The following MRTFA variants were observed in gnomAD, a reference collection of about 807,000 sequenced individuals.
MRTFA encodes myocardin-related transcription factor A.
In MRTFA, 20 loss-of-function variants were observed where a neutral mutation model predicts 83.5. The observed-to-expected ratio is 0.24, with a 90% CI of 0.17 to 0.35. The LOEUF is 0.35. Among genes scored for constraint, MRTFA ranks in the 10% least tolerant of loss-of-function variants. MRTFA has a pLI of 1.00. For synonymous variants in MRTFA, 659 were observed against 541.2 expected, an observed-to-expected ratio of 1.22 and a Z score of -3.02; for missense variants, 1,200 against 1,224.7, an observed-to-expected ratio of 0.98 and a Z score of 0.30.
At chr22:40,493,959 G>C (rs2054310104) in intron 3 of MRTFA, among the ~76,000 whole-genome samples, 1 of 152,190 alleles carries the variant, frequency 6.6e-6, no homozygotes, top group African/African-American at 2.4e-5. Context: ...TGTGAATTTA[G>C]AGTTGCCTAG....
At chr22:40,418,205 G>A (rs545534698) in intron 12 of MRTFA, among the ~76,000 whole-genome samples, 169 bp downstream of exon 12, 5 of 152,318 alleles carry the variant, frequency 3.3e-5, no homozygotes, top group South Asian at 4.1e-4. Flanking sequence ...GGGGTCTGAG[G>A]CAGGTCCCTT....
chr22:40,608,730 G>A (rs1464713464), intron 1 of MRTFA, among the ~76,000 whole-genome samples: 3 of 152,070 alleles, frequency 2.0e-5, no homozygotes, highest in Non-Finnish European at 2.9e-5. Context: ...CTGAGCCCTA[G>A]GGATACTAGT....
At chr22:40,519,017 GT>G (rs112569374) in intron 3 of MRTFA, among the ~76,000 whole-genome samples, 351 of 141,570 alleles carry the variant, frequency 2.5e-3, no homozygotes, top group African/African-American at 6.5e-3. Context: ...TGTTTTTGGG[GT>G]TTTTTTTTTT....
rs528816532 is a variant in MRTFA at position 40,416,539 on chromosome 22, G to C, written c.2578+447C>G. Among the ~76,000 whole-genome samples the C allele has an allele frequency of 3.3e-5, 5 of 152,318 alleles. No individual in the cohort carries two copies. The highest frequency in any genetic ancestry group is 7.3e-5 in the Non-Finnish European group (5 of 68,034). ...TCCTCAACTCCACTCCAACCCGCCA[G>C]GTACTCCCGAGGCCGCACAGATGCA... On this transcript the variant is annotated intron_variant, in intron 14 of 14. Transcript: ENST00000355630. The surrounding 1 kb of genome is among the most constrained non-coding windows in gnomAD (Gnocchi z 4.2).
rs925027412 is a variant in MRTFA, at chr22:40,617,664, T to C, written c.-84+18814A>G. ...ATGGCATGAACCCGGGAGGCGGAGC[T>C]TGCAGTGAGCCGAGATCTCACCACT... On this transcript the variant is annotated intron_variant, in intron 1 of 14. Coordinates refer to ENST00000355630, the MANE Select transcript of MRTFA (RefSeq NM_020831.6). 1.2e-3 allele frequency among the ~76,000 whole-genome samples: 183 copies of C among 148,708 alleles called. 3 individuals are homozygous for C. Among genetic ancestry groups the C allele is most frequent in the Admixed American group, 9.4e-4 (14 of 14,878 alleles).
chr22:40,425,851 A>G (rs1465282179), intron 7 of MRTFA, among the ~76,000 whole-genome samples: 2 of 152,086 alleles, frequency 1.3e-5, no homozygotes, highest in Non-Finnish European at 2.9e-5. Flanking sequence ...TACTGTGGAA[A>G]ACCCAGGGCT....
Position 40,411,077 on chromosome 22 carries a change from T to C in MRTFA, c.*313A>G, listed in dbSNP as rs1324158449. On this transcript the variant is annotated 3_prime_UTR_variant, in exon 15 of 15. Coordinates refer to ENST00000355630, the MANE Select transcript of MRTFA (RefSeq NM_020831.6). ...CCAGGCTTCACCTACCTTAGCCAAA[T>C]TGTAGCCAGACAGACAGTGCCCCCT... The C allele has an allele frequency of 3.5e-6, 1 of 288,924 alleles. No homozygotes were observed. Among genetic ancestry groups the C allele is most frequent in the Non-Finnish European group, 6.4e-6 (1 of 155,434 alleles). The allele number at this position is 288,924 out of a possible 1,614,324, so 17.9% of individuals were successfully genotyped here.
At chr22:40,609,723 C>T (rs2056363203) in intron 1 of MRTFA, among the ~76,000 whole-genome samples, 1 of 151,742 alleles carries the variant, frequency 6.6e-6, no homozygotes, top group African/African-American at 2.4e-5. Flanking sequence ...TCCAGCTACT[C>T]GGGAGGCTGA....
At chr22:40,559,453 T>C (rs889022193) in intron 2 of MRTFA, among the ~76,000 whole-genome samples, 1 of 152,158 alleles carries the variant, frequency 6.6e-6, no homozygotes, top group Non-Finnish European at 1.5e-5. Context: ...AGCATGTTAC[T>C]CTGCCATCCA....
At chr22:40,419,763 G>A (rs2052786616) in intron 11 of MRTFA, among the ~76,000 whole-genome samples, 1 of 152,224 alleles carries the variant, frequency 6.6e-6, no homozygotes, top group African/African-American at 2.4e-5. Flanking sequence ...CTGGTTCAGA[G>A]AACAAGTTCT....
chr22:40,459,836 T>TAC (rs1206684306), intron 4 of MRTFA, among the ~76,000 whole-genome samples: 136 of 109,448 alleles, frequency 1.2e-3, no homozygotes, highest in African/African-American at 2.7e-3. Context: ...TATACATATA[T>TAC]ATATATATAT....
At chr22:40,633,928 G>A (rs2056667045) in intron 1 of MRTFA, among the ~76,000 whole-genome samples, 1 of 152,078 alleles carries the variant, frequency 6.6e-6, no homozygotes, top group African/African-American at 2.4e-5. Context: ...TCCTGGTTCT[G>A]TTAACTTCTG....
intron 2 of MRTFA, among the ~76,000 whole-genome samples, chr22:40,580,115 C>A (rs2055925004): frequency 6.6e-6 from 1 of 152,132 alleles, no homozygotes; most frequent in Admixed American, 6.6e-5. Context: ...TAGGATGAAT[C>A]ATTTTTAGGA....
intron 3 of MRTFA, among the ~76,000 whole-genome samples, chr22:40,500,110 T>C (rs184179025): frequency 1.0e-3 from 151 of 151,564 alleles, no homozygotes; most frequent in Non-Finnish European, 1.9e-3. Flanking sequence ...TTTGTATTTT[T>C]AGTAGAGATG....
chr22:40,524,475 G>T (rs2054927293), intron 3 of MRTFA, among the ~76,000 whole-genome samples: 1 of 152,154 alleles, frequency 6.6e-6, no homozygotes, highest in African/African-American at 2.4e-5. Context: ...GTGTACACAG[G>T]AAGGAGCCAC....
chr22:40,613,692 GA>G (rs899742727), intron 1 of MRTFA, among the ~76,000 whole-genome samples: 3 of 148,282 alleles, frequency 2.0e-5, no homozygotes, highest in African/African-American at 2.5e-5. Flanking sequence ...CCTGTCTCTA[GA>G]AAAAAAAAAA....
At chr22:40,529,918 T>G (rs2055047925) in intron 3 of MRTFA, among the ~76,000 whole-genome samples, 1 of 152,210 alleles carries the variant, frequency 6.6e-6, no homozygotes, top group Non-Finnish European at 1.5e-5. Flanking sequence ...TCTGTGGTCC[T>G]TCCAGAGACA....
chr22:40,467,739 G>A (rs2053833388), intron 3 of MRTFA, among the ~76,000 whole-genome samples: 1 of 151,870 alleles, frequency 6.6e-6, no homozygotes. Flanking sequence ...CTATGTCATT[G>A]TATATCACTA....
chr22:40,631,964 C>T (rs2056646461), intron 1 of MRTFA, among the ~76,000 whole-genome samples: 1 of 152,222 alleles, frequency 6.6e-6, no homozygotes, highest in African/African-American at 2.4e-5. Context: ...CAATGACCCT[C>T]ACCTCCTGCC....
Sources: allele counts gnomAD v4.1 joint callset (sites outside exome capture counted in the v4.1 genomes callset), GRCh38; gene constraint gnomAD v4.1.1; non-coding constraint Gnocchi (gnomAD v3.1); transcripts MANE v1.5; gene names NCBI Gene and HGNC (gene_info 2026-07-23, HGNC 2026-07-21).